FYB1: variants seen among roughly 807,000 people sequenced by gnomAD.
FYB1 encodes the protein FYN binding protein 1, also known as FYN-binding protein 1.
FYB1 carries 41 observed loss-of-function variants against 94.1 expected under a neutral mutation model. The observed-to-expected ratio is 0.44, with a 90% CI of 0.34 to 0.57. The LOEUF (loss-of-function observed/expected upper bound fraction) is 0.57. Ranked by LOEUF, FYB1 falls within the 20% of genes least tolerant of loss-of-function variation. The probability of loss-of-function intolerance (pLI) is 0.02; values close to 1 mark genes in which losing one functional copy is unlikely to be tolerated. For missense variants in FYB1, 1,050 were observed against 976.8 expected, an observed-to-expected ratio of 1.07 and a Z score of -1.00; for synonymous variants, 367 against 353.2, an observed-to-expected ratio of 1.04 and a Z score of -0.44.
chr5:39,225,054 G>A (rs369736298), intron 1 of FYB1, among the ~76,000 whole-genome samples: 272 of 152,302 alleles, frequency 1.8e-3, no homozygotes, highest in Non-Finnish European at 3.0e-3. Context: ...AGAAGCAGAG[G>A]TATGAGAACA....
chr5:39,225,462 A>T (rs553483296), intron 1 of FYB1, among the ~76,000 whole-genome samples: 1 of 152,282 alleles, frequency 6.6e-6, no homozygotes, highest in African/African-American at 2.4e-5. Context: ...TAAACAGTCA[A>T]ATATATTTTC....
intron 2 of FYB1, among the ~76,000 whole-genome samples, chr5:39,165,740 C>A (rs1349871168): frequency 4.6e-5 from 7 of 152,140 alleles, no homozygotes; most frequent in African/African-American, 1.4e-4. Context: ...GCTATGCATC[C>A]AACAAAGGAC....
At chr5:39,251,530 G>A (rs1362029657) in intron 1 of FYB1, among the ~76,000 whole-genome samples, 3 of 152,098 alleles carry the variant, frequency 2.0e-5, no homozygotes, top group Non-Finnish European at 1.5e-5. Flanking sequence ...AGAATAGGTA[G>A]GGCTACTTGA....
intron 7 of FYB1, among the ~76,000 whole-genome samples, chr5:39,135,689 CTTTAATTTATTGAATT>C (rs1741619971): frequency 6.6e-6 from 1 of 152,052 alleles, no homozygotes; most frequent in Non-Finnish European, 1.5e-5. Flanking sequence ...GAAGCTCTAC[CTTTAATTTATTGAATT>C]TATGATGGCA....
intron 16 of FYB1, among the ~76,000 whole-genome samples, chr5:39,112,605 T>G (rs12654377): frequency 0.31 from 47,603 of 152,002 alleles, 8,248 homozygotes; most frequent in Non-Finnish European, 0.39. Flanking sequence ...TTAGGTAATC[T>G]ATTTTTTAAA....
intron 1 of FYB1, among the ~76,000 whole-genome samples, chr5:39,237,815 G>C (rs1317040794): frequency 6.6e-6 from 1 of 152,094 alleles, no homozygotes; most frequent in African/African-American, 2.4e-5. Flanking sequence ...CTTAGAGATA[G>C]AGATTATCTG....
intron 2 of FYB1, among the ~76,000 whole-genome samples, chr5:39,170,611 T>G (rs756585449): frequency 6.6e-6 from 1 of 152,208 alleles, no homozygotes; most frequent in Admixed American, 6.5e-5. Flanking sequence ...CTCTTAACAG[T>G]AGCCTCCTCA....
At chr5:39,158,934 C>G (rs1744002371) in intron 2 of FYB1, among the ~76,000 whole-genome samples, 1 of 152,182 alleles carries the variant, frequency 6.6e-6, no homozygotes, top group Non-Finnish European at 1.5e-5. Context: ...ATCTCCAGCT[C>G]TATCACCAAA....
rs186429834 is a variant in FYB1 at position 39,115,823 on chromosome 5, C to G, written c.2401+3051G>C. On this transcript the variant is annotated intron_variant, in intron 16 of 18. Coordinates refer to ENST00000512982, the MANE Select transcript of FYB1 (RefSeq NM_001465.6). ...TTAAATCATGAAATAATACTTAACC[C>G]GAAAGTCAGTAACATGCTCCTAGTG... Among the ~76,000 whole-genome samples the G allele has an allele frequency of 3.9e-3, 589 of 152,142 alleles. 3 individuals carry two copies. The highest frequency in any genetic ancestry group is 0.014 in the African/African-American group (562 of 41,498).
At chr5:39,120,966 TA>T (rs1293606272) in intron 14 of FYB1, among the ~76,000 whole-genome samples, 2 of 152,026 alleles carry the variant, frequency 1.3e-5, no homozygotes, top group East Asian at 3.9e-4. Flanking sequence ...AAGCTATCTT[TA>T]AAAAAATTTA....
chr5:39,142,580 C>A (rs942971411), intron 3 of FYB1, among the ~76,000 whole-genome samples: 6 of 152,178 alleles, frequency 3.9e-5, no homozygotes, highest in Admixed American at 3.3e-4. Flanking sequence ...TGTTTTCTCC[C>A]TCAGCCCAAG....
At chr5:39,125,431 A>G (rs943497661) in intron 12 of FYB1, among the ~76,000 whole-genome samples, 22 of 152,230 alleles carry the variant, frequency 1.4e-4, no homozygotes, top group Non-Finnish European at 4.4e-5. Flanking sequence ...TAAGATGTTT[A>G]GAATACTTTT....
At chr5:39,147,452 CTG>C (rs71606520) in intron 3 of FYB1, among the ~76,000 whole-genome samples, 10,270 of 144,518 alleles carry the variant, frequency 0.071, 451 homozygotes, top group East Asian at 0.2. Flanking sequence ...GTACATATGC[CTG>C]TGTGTGTGTG....
Position 39,219,323 on chromosome 5 carries a change from G to T in FYB1, c.-28+120C>A, listed in dbSNP as rs1004173635. On this transcript the variant is annotated intron_variant, in intron 1 of 18. Coordinates refer to ENST00000512982, the MANE Select transcript of FYB1 (RefSeq NM_001465.6). ...TTTGCTATTTTCCAACAGAACATGC[G>T]TTTCCTTCAGTTATTCAGCTAGCAC... 7 of 551,670 alleles carry T rather than the reference G, an allele frequency of 1.3e-5. No individual in the cohort carries two copies. In the South Asian group the frequency reaches 5.5e-4, roughly 43 times the overall value. The allele number at this position is 551,670 out of a possible 1,614,324, so 34.2% of individuals were successfully genotyped here. A position where few individuals can be genotyped will look rare whatever the true frequency, so the allele number is the denominator to read the frequency against.
chr5:39,269,643 C>G (rs949320212), intron 1 of FYB1: 16 of 152,268 alleles, frequency 1.1e-4, no homozygotes, highest in African/African-American at 3.9e-4. Flanking sequence ...AGTCACATCA[C>G]ACATCATTGA....
rs375463024 is a variant in FYB1, at chr5:39,228,777, T to C, written c.-27-25790A>G. Among the ~76,000 whole-genome samples, 56 of 152,344 alleles carry C rather than the reference T, an allele frequency of 3.7e-4. No homozygotes were observed. The East Asian group carries it at 8.7e-3, about 24-fold the overall frequency. On this transcript the variant is annotated intron_variant, in intron 1 of 1. Coordinates refer to the FYB1 transcript ENST00000510188. ...TGAACTTCCCTTCCTTTTTATTTTCTTACTCTGAGAGCTAATAAAGCAAGA... is the reference window on the plus strand; with the variant it reads ...TGAACTTCCCTTCCTTTTTATTTTCCTACTCTGAGAGCTAATAAAGCAAGA...
At chr5:39,178,425 G>C (rs1192357898) in intron 2 of FYB1, among the ~76,000 whole-genome samples, 1 of 152,142 alleles carries the variant, frequency 6.6e-6, no homozygotes, top group African/African-American at 2.4e-5. Flanking sequence ...CCTCTGTCAG[G>C]CTCAAATATC....
chr5:39,112,697 G>C (rs550222891), intron 16 of FYB1, among the ~76,000 whole-genome samples: 5 of 152,112 alleles, frequency 3.3e-5, no homozygotes, highest in African/African-American at 1.2e-4. Flanking sequence ...CATGACCAAA[G>C]TTAATCATTC....
At chr5:39,261,995 C>T (rs1204609263) in intron 1 of FYB1, among the ~76,000 whole-genome samples, 1 of 151,988 alleles carries the variant, frequency 6.6e-6, no homozygotes, top group Non-Finnish European at 1.5e-5. Context: ...TAAATGGTAT[C>T]CTTATGATTA....
Sources: gnomAD v4.1 joint callset for allele counts (sites outside exome capture counted in the v4.1 genomes callset) on GRCh38, gnomAD v4.1.1 for gene constraint, MANE v1.5 for transcripts, NCBI Gene and HGNC (gene_info 2026-07-23, HGNC 2026-07-21) for gene names.